The following TUSC3 variants were observed in gnomAD, a reference collection of about 807,000 sequenced individuals.
TUSC3 encodes dolichyl-diphosphooligosaccharide--protein glycosyltransferase subunit TUSC3.
In TUSC3, 45 loss-of-function variants were observed where a neutral mutation model predicts 44.8. That is an observed-to-expected ratio of 1.00 (90% confidence interval 0.79 to 1.29). The LOEUF is 1.29. Among genes scored for constraint, TUSC3 ranks in the 50% most tolerant of loss-of-function variants. The pLI is 0.00. For missense variants in TUSC3, 519 were observed against 437.9 expected (o/e 1.19, Z -1.65); for synonymous variants, 212 against 152.9 (o/e 1.39, Z -2.85).
intron 8 of TUSC3, 96 bp downstream of exon 8, chr8:15,743,708 T>C: frequency 7.6e-7 from 1 of 1,314,336 alleles, no homozygotes; most frequent in Non-Finnish European, 1.1e-6. Context: ...GTAAACAAAC[T>C]TCTAAAGAAA....
intron 1 of TUSC3, among the ~76,000 whole-genome samples, chr8:15,607,606 T>C (rs1804585220): frequency 6.6e-6 from 1 of 152,166 alleles, no homozygotes; most frequent in Admixed American, 6.6e-5. Context: ...TTACACTGAA[T>C]ACCCAGATAT....
chr8:15,800,323 C>G, the TUSC3 span, among the ~76,000 whole-genome samples: 2 of 152,140 alleles, frequency 1.3e-5, no homozygotes, highest in Non-Finnish European at 2.9e-5. Context: ...AATCCCAGCA[C>G]TAAGGCTGGG....
At chr8:15,499,366 C>T (rs1390804486) in intron 2 of TUSC3, among the ~76,000 whole-genome samples, 1 of 152,206 alleles carries the variant, frequency 6.6e-6, no homozygotes, top group African/African-American at 2.4e-5. Flanking sequence ...TTAACATCAT[C>T]AAATCAAATC....
chr8:15,786,508 C>T, the TUSC3 span, among the ~76,000 whole-genome samples: 1 of 152,124 alleles, frequency 6.6e-6, no homozygotes, highest in Non-Finnish European at 1.5e-5. Context: ...CAATAGCAAT[C>T]ATTTCTTCTC....
intron 6 of TUSC3, among the ~76,000 whole-genome samples, chr8:15,698,579 CT>C (rs558519182): frequency 7.2e-4 from 109 of 152,212 alleles, no homozygotes; most frequent in African/African-American, 2.5e-3. Context: ...GAGGTAATCT[CT>C]ACAGCACCTA....
intron 10 of TUSC3, among the ~76,000 whole-genome samples, chr8:15,758,503 A>G (rs1329417477): frequency 3.3e-5 from 5 of 152,036 alleles, no homozygotes; most frequent in Admixed American, 6.6e-5. Flanking sequence ...CCTCAAGACC[A>G]GAGAACACAG....
At chr8:15,730,311 T>C (rs910292358) in intron 6 of TUSC3, among the ~76,000 whole-genome samples, 1 of 152,180 alleles carries the variant, frequency 6.6e-6, no homozygotes, top group South Asian at 2.1e-4. Flanking sequence ...TTCTAACTTA[T>C]TTTAAAGGAT....
At chr8:15,443,577 T>A (rs999228590) in intron 1 of TUSC3, among the ~76,000 whole-genome samples, 1 of 152,156 alleles carries the variant, frequency 6.6e-6, no homozygotes, top group African/African-American at 2.4e-5. Context: ...TTCTTATTCC[T>A]TCCTGGGTGT....
At chr8:15,422,155 C>G (rs1404617369) in intron 1 of TUSC3, among the ~76,000 whole-genome samples, 2 of 152,174 alleles carry the variant, frequency 1.3e-5, no homozygotes, top group Non-Finnish European at 2.9e-5. Flanking sequence ...AAATTATAAT[C>G]AATGAAAAGT....
intron 1 of TUSC3, among the ~76,000 whole-genome samples, chr8:15,584,550 GC>G (rs1803514982): frequency 1.3e-5 from 2 of 152,304 alleles, no homozygotes; most frequent in East Asian, 3.9e-4. Flanking sequence ...CTATGATAGA[GC>G]CACTTTATGA....
chr8:15,608,548 C>G (rs981664486), intron 1 of TUSC3, among the ~76,000 whole-genome samples: 6 of 152,112 alleles, frequency 3.9e-5, no homozygotes, highest in African/African-American at 1.4e-4. Flanking sequence ...CCATCCAAAT[C>G]TCATCTTCAT....
chr8:15,609,158 A>G (rs1220181557), intron 1 of TUSC3, among the ~76,000 whole-genome samples: 1 of 152,198 alleles, frequency 6.6e-6, no homozygotes, highest in Non-Finnish European at 1.5e-5. Flanking sequence ...AAATTAACTC[A>G]ATTTTACAAT....
At chr8:15,842,051 C>G in the TUSC3 span, among the ~76,000 whole-genome samples, 1 of 152,040 alleles carries the variant, frequency 6.6e-6, no homozygotes, top group South Asian at 2.1e-4. Context: ...ATTTAGTTCC[C>G]AAGAATGTTA....
intron 1 of TUSC3, among the ~76,000 whole-genome samples, chr8:15,457,879 A>ATAG (rs1040609999): frequency 6.8e-6 from 1 of 146,888 alleles, no homozygotes; most frequent in Non-Finnish European, 1.5e-5. Context: ...TAATTAGATA[A>ATAG]TTACTAATTA....
At position 15,584,765 on chromosome 8, in the gene TUSC3, A is replaced by T. The variant is rs74914475; in HGVS notation, c.139-38315A>T. Among the ~76,000 whole-genome samples, 251 of 152,258 alleles carry T rather than the reference A, an allele frequency of 1.6e-3. 9 individuals carry two copies. In the East Asian group the frequency reaches 0.045, roughly 27 times the overall value. Reference sequence around the variant, plus strand: ...GGTAGTGAGAACAGGATTCATTGACACAGGCAATCTGAAAGTATAGTGAGT... The same window carrying T: ...GGTAGTGAGAACAGGATTCATTGACTCAGGCAATCTGAAAGTATAGTGAGT... On this transcript the variant is annotated intron_variant, in intron 1 of 10. Transcript: ENST00000503731.
chr8:15,755,413 C>T (rs1263487198), intron 9 of TUSC3, among the ~76,000 whole-genome samples: 1 of 151,898 alleles, frequency 6.6e-6, no homozygotes, highest in Non-Finnish European at 1.5e-5. Flanking sequence ...TAATCTTCTG[C>T]TAAAAAGTTT....
At chr8:15,452,975 C>T (rs983438507) in intron 1 of TUSC3, among the ~76,000 whole-genome samples, 3 of 151,926 alleles carry the variant, frequency 2.0e-5, no homozygotes, top group African/African-American at 4.8e-5. Context: ...AGATAGCGAC[C>T]ACTCCCCCGT....
chr8:15,781,691 A>G, the TUSC3 span, among the ~76,000 whole-genome samples: 3 of 152,238 alleles, frequency 2.0e-5, no homozygotes, highest in Non-Finnish European at 2.9e-5. Flanking sequence ...AACACAAGAT[A>G]GCTTCACTGG....
At chr8:15,763,455 A>G (rs1341204775) in intron 10 of TUSC3, among the ~76,000 whole-genome samples, 1 of 150,638 alleles carries the variant, frequency 6.6e-6, no homozygotes, top group Non-Finnish European at 1.5e-5. Flanking sequence ...TTTTGCTTTT[A>G]TATTTAATTA....
Sources: gnomAD v4.1 joint callset for allele counts (sites outside exome capture counted in the v4.1 genomes callset) on GRCh38, gnomAD v4.1.1 for gene constraint, MANE v1.5 for transcripts, NCBI Gene and HGNC (gene_info 2026-07-23, HGNC 2026-07-21) for gene names.